RNF114: variants seen among roughly 807,000 people sequenced by gnomAD.
RNF114 encodes the protein E3 ubiquitin-protein ligase RNF114.
RNF114 carries 6 observed loss-of-function variants against 28.4 expected under a neutral mutation model. That is an observed-to-expected ratio of 0.21 (90% CI 0.12 to 0.42). The LOEUF is 0.42. Ranked by LOEUF, RNF114 falls within the 10% of genes least tolerant of loss-of-function variation. The pLI is 1.00. For missense variants in RNF114, 249 were observed against 311.7 expected (o/e 0.80, Z 1.51); for synonymous variants, 115 against 116.7 (o/e 0.99, Z 0.09).
rs565444526 is a variant in RNF114, at chr20:49,951,961, C to G, written c.622-115C>G. On this transcript the variant is annotated intron_variant, in intron 5 of 5. Coordinates refer to ENST00000244061, the MANE Select transcript of RNF114 (RefSeq NM_018683.4). ...CATCACAAACAGTTGCACTGGGGATCCGGTCCCTGGCAACCTGCTCCGGAT... is the reference window on the plus strand; with the variant it reads ...CATCACAAACAGTTGCACTGGGGATGCGGTCCCTGGCAACCTGCTCCGGAT... The G allele has an allele frequency of 5.5e-6, 4 of 724,252 alleles. No homozygotes were observed. The South Asian group carries it at 6.2e-5, about 11-fold the overall frequency. The allele number at this position is 724,252 out of a possible 1,614,324, so 44.9% of individuals were successfully genotyped here. A position where few individuals can be genotyped will look rare whatever the true frequency, so the allele number is the denominator to read the frequency against.
intron 3 of RNF114, 76 bp downstream of exon 3, chr20:49,945,564 T>A: frequency 1.6e-6 from 1 of 614,538 alleles, no homozygotes; most frequent in Non-Finnish European, 2.8e-6. Flanking sequence ...CCCAGGGGTT[T>A]AGTTGTATGA....
Position 49,942,939 on chromosome 20 carries a change from T to A in RNF114, c.291+1228T>A, listed in dbSNP as rs749904676. Among the ~76,000 whole-genome samples, 184 of 152,372 alleles carry A rather than the reference T, an allele frequency of 1.2e-3. 4 individuals carry two copies. The highest frequency in any genetic ancestry group is 0.01 in the Middle Eastern group (3 of 294). On this transcript the variant is annotated intron_variant, in intron 2 of 5. Transcript: ENST00000244061. ...GGATTTTTGCAAAATGAGATTATAC[T>A]ATAATATATATATTTCTTCAACTTT... is the stretch of plus-strand genomic sequence containing the variant.
intron 2 of RNF114, 29 bp downstream of exon 2, chr20:49,941,740 T>C: frequency 6.2e-7 from 1 of 1,600,238 alleles, no homozygotes; most frequent in Non-Finnish European, 8.5e-7. Context: ...GAAGAGTCCA[T>C]GTCTTTCCAT....
At chr20:49,942,774 A>C (rs1397046749) in intron 2 of RNF114, among the ~76,000 whole-genome samples, 3 of 151,838 alleles carry the variant, frequency 2.0e-5, no homozygotes, top group Non-Finnish European at 4.4e-5. Flanking sequence ...CAGTGAGCTG[A>C]GTTCGTGCCA....
intron 2 of RNF114, chr20:49,941,993 G>A (rs1339805195): frequency 5.7e-6 from 2 of 352,040 alleles, no homozygotes; most frequent in African/African-American, 2.2e-5. Context: ...GGCCAGGCGC[G>A]GTGGCTCATT....
At chr20:49,949,985 C>T (rs2090349198) in intron 5 of RNF114, among the ~76,000 whole-genome samples, 1 of 145,262 alleles carries the variant, frequency 6.9e-6, no homozygotes. Context: ...GGCGCAGTGG[C>T]TCACACCTGT....
At chr20:49,949,046 T>C (rs928030422) in intron 4 of RNF114, among the ~76,000 whole-genome samples, 2 of 152,222 alleles carry the variant, frequency 1.3e-5, no homozygotes, top group Non-Finnish European at 2.9e-5. Flanking sequence ...ATTTGAACTT[T>C]ACCCAGTCCC....
chr20:49,948,402 G>T (rs1009691179), intron 4 of RNF114, among the ~76,000 whole-genome samples: 1 of 150,748 alleles, frequency 6.6e-6, no homozygotes, highest in African/African-American at 2.4e-5. Context: ...CCTTTTCTCC[G>T]TGCTGCTGCC....
chr20:49,946,951 G>T (rs547362470), intron 4 of RNF114, among the ~76,000 whole-genome samples: 11 of 152,014 alleles, frequency 7.2e-5, no homozygotes, highest in African/African-American at 2.7e-4. Flanking sequence ...TGGGCACGGT[G>T]GCTCACACCT....
chr20:49,939,097 C>T (rs1432538871), intron 1 of RNF114, among the ~76,000 whole-genome samples: 2 of 152,210 alleles, frequency 1.3e-5, no homozygotes, highest in African/African-American at 4.8e-5. Flanking sequence ...TGTGGCTGTC[C>T]TCGTAATCAG....
intron 1 of RNF114, among the ~76,000 whole-genome samples, chr20:49,940,475 C>T (rs923502459): frequency 4.0e-5 from 6 of 150,454 alleles, no homozygotes; most frequent in African/African-American, 7.4e-5. Context: ...AGTGCAGTGG[C>T]GCGATCTTGG....
intron 4 of RNF114, among the ~76,000 whole-genome samples, chr20:49,947,786 T>TG (rs2090339337): frequency 1.2e-4 from 11 of 92,816 alleles, no homozygotes; most frequent in African/African-American, 4.7e-4. Context: ...TTTTTTTTTT[T>TG]TTTTTTTTTT....
At chr20:49,942,644 G>A (rs1305982378) in intron 2 of RNF114, among the ~76,000 whole-genome samples, 1 of 152,120 alleles carries the variant, frequency 6.6e-6, no homozygotes, top group Non-Finnish European at 1.5e-5. Context: ...ACAACATGGT[G>A]AAACCTCGGC....
chr20:49,943,293 G>A (rs986084059), intron 2 of RNF114, among the ~76,000 whole-genome samples: 1 of 152,108 alleles, frequency 6.6e-6, no homozygotes, highest in African/African-American at 2.4e-5. Context: ...CCAGGAGTTC[G>A]AAATCAGCCT....
intron 1 of RNF114, among the ~76,000 whole-genome samples, chr20:49,939,799 A>G (rs2090300269): frequency 6.6e-6 from 1 of 151,972 alleles, no homozygotes; most frequent in Admixed American, 6.6e-5. Context: ...TCACACCTGT[A>G]ATCCCAGCAC....
intron 1 of RNF114, 24 bp from the exon 2 acceptor site, chr20:49,941,537 G>C: frequency 6.4e-7 from 1 of 1,555,650 alleles, no homozygotes; most frequent in Non-Finnish European, 8.7e-7. Context: ...GCGTGACAGA[G>C]GTTCTCTGTA....
Position 49,936,468 on chromosome 20 carries a change from C to A in RNF114, c.56C>A (p.Ala19Glu). Residue 19 changes from alanine (A) to glutamate (E), a missense_variant, in exon 1 of 6, where the codon GCG (alanine) becomes GAG (glutamate). Physicochemically the swap from Ala to Glu is moderately radical, Grantham distance 107 (BLOSUM62 -1). Coordinates refer to ENST00000244061, the MANE Select transcript of RNF114 (RefSeq NM_018683.4). Reference protein sequence around the residue: ...GGAAQLAGPAAEADPLGRFTC... With the variant: ...GGAAQLAGPAEEADPLGRFTC... ...GCTGCGCAGCTGGCGGGGCCGGCGGCGGAGGCTGACCCCCTAGGACGCTTC... is the reference window on the plus strand; with the variant it reads ...GCTGCGCAGCTGGCGGGGCCGGCGGAGGAGGCTGACCCCCTAGGACGCTTC... 1 of 1,551,336 alleles carries A rather than the reference C, an allele frequency of 6.4e-7. No individual in the cohort carries two copies. The highest frequency in any genetic ancestry group is 1.2e-5 in the South Asian group (1 of 84,080).
chr20:49,940,053 C>CAAAAAAAAAAAAAAAAAAA (rs71190515), intron 1 of RNF114, among the ~76,000 whole-genome samples: 1 of 75,556 alleles, frequency 1.3e-5, no homozygotes, highest in Non-Finnish European at 2.4e-5. Flanking sequence ...GACTCTGTCT[C>CAAAAAAAAAAAAAAAAAAA]AAAAAAAAAA....
At chr20:49,944,665 G>C (rs1387274827) in intron 2 of RNF114, 1 of 152,232 alleles carries the variant, frequency 6.6e-6, no homozygotes, top group Non-Finnish European at 1.5e-5. Context: ...CAGATCACTT[G>C]AGGTCAGGAG....
Sources: allele counts gnomAD v4.1 joint callset (sites outside exome capture counted in the v4.1 genomes callset), GRCh38; gene constraint gnomAD v4.1.1; transcripts MANE v1.5; gene names NCBI Gene and HGNC (gene_info 2026-07-23, HGNC 2026-07-21).